Variants in CREM observed in about 807,000 individuals in gnomAD.
The protein encoded by CREM is cAMP responsive element modulator.
In CREM, 13 loss-of-function variants were observed where a neutral mutation model predicts 37.3. The observed-to-expected ratio is 0.35, with a 90% CI of 0.23 to 0.55. The LOEUF is 0.55. Ranked by LOEUF, CREM falls within the 20% of genes least tolerant of loss-of-function variation. The probability of loss-of-function intolerance (pLI) is 0.88; values close to 1 mark genes in which losing one functional copy is unlikely to be tolerated. For synonymous variants in CREM, 124 were observed against 120.2 expected, an observed-to-expected ratio of 1.03 and a Z score of -0.21; for missense variants, 296 against 362.3, an observed-to-expected ratio of 0.82 and a Z score of 1.49.
chr10:35,132,161 A>G (rs944098521), intron 1 of CREM, among the ~76,000 whole-genome samples: 48 of 148,788 alleles, frequency 3.2e-4, no homozygotes, highest in Admixed American at 3.1e-3. Flanking sequence ...AGATCGTGCT[A>G]CTGCACTCCA....
chr10:35,174,110 T>A (rs2093945085), intron 3 of CREM, among the ~76,000 whole-genome samples: 1 of 152,172 alleles, frequency 6.6e-6, no homozygotes, highest in Non-Finnish European at 1.5e-5. Context: ...TGGGGGTAGG[T>A]GAGCTGAATT....
chr10:35,132,290 A>G (rs1315353519), intron 1 of CREM, among the ~76,000 whole-genome samples: 1 of 152,012 alleles, frequency 6.6e-6, no homozygotes, highest in African/African-American at 2.4e-5. Flanking sequence ...GAGACAGGCC[A>G]TGATTATTTG....
At chr10:35,181,988 C>G (rs1013813690) in intron 5 of CREM, among the ~76,000 whole-genome samples, 5 of 152,184 alleles carry the variant, frequency 3.3e-5, no homozygotes, top group African/African-American at 1.2e-4. Flanking sequence ...AGAAATTATT[C>G]TGATGAGAAG....
At chr10:35,141,960 G>A (rs1478512394) in intron 2 of CREM, among the ~76,000 whole-genome samples, 1 of 152,210 alleles carries the variant, frequency 6.6e-6, no homozygotes, top group African/African-American at 2.4e-5. Context: ...GAATGCTGCT[G>A]AGGGATCAAA....
At chr10:35,137,284 TGTTTGGA>T in intron 1 of CREM, among the ~76,000 whole-genome samples, 1 of 152,342 alleles carries the variant, frequency 6.6e-6, no homozygotes, top group East Asian at 1.9e-4. Context: ...AAACTTATTT[TGTTTGGA>T]GTTTAATTTT....
intron 5 of CREM, among the ~76,000 whole-genome samples, chr10:35,183,338 ACTT>A (rs1318805257): frequency 1.3e-5 from 2 of 152,208 alleles, no homozygotes; most frequent in South Asian, 2.1e-4. Context: ...CACCAATTCA[ACTT>A]CTTCATAAAG....
intron 6 of CREM, among the ~76,000 whole-genome samples, chr10:35,190,528 C>T (rs1219093240): frequency 6.6e-6 from 1 of 152,044 alleles, no homozygotes; most frequent in Non-Finnish European, 1.5e-5. Flanking sequence ...AAAACAAGTT[C>T]CCCTTGTCTT....
chr10:35,136,208 C>T (rs200960502), intron 1 of CREM, among the ~76,000 whole-genome samples: 2 of 151,796 alleles, frequency 1.3e-5, no homozygotes, highest in Non-Finnish European at 2.9e-5. Flanking sequence ...GCAAATAAAA[C>T]ATTTCCAAGT....
Position 35,211,904 on chromosome 10 carries a change from ATCT to A in CREM, c.*514_*516del. 1.1e-5 allele frequency: 13 copies of A among 1,161,262 alleles called. No homozygotes were observed. The highest frequency in any genetic ancestry group is 4.1e-5 in the South Asian group (2 of 48,348). 71.9% of individuals were successfully genotyped at this position (1,161,262 alleles called of 1,614,324 possible). A position where few individuals can be genotyped will look rare whatever the true frequency, so the allele number is the denominator to read the frequency against. On this transcript the variant is annotated 3_prime_UTR_variant, in exon 8 of 8. Transcript: ENST00000685392. ...GTGGCTTCTTTTCTTTGTATCATTC[ATCT>A]TCTTCTTTAATCACTTAACATTCCT... is the stretch of plus-strand genomic sequence containing the variant.
chr10:35,186,689 TA>T (rs1428048864), intron 5 of CREM, among the ~76,000 whole-genome samples: 3 of 139,922 alleles, frequency 2.1e-5, no homozygotes, highest in Non-Finnish European at 3.0e-5. Context: ...AAATATATAT[TA>T]AAAATTTTGG....
At chr10:35,205,812 G>A (rs899168937) in intron 6 of CREM, among the ~76,000 whole-genome samples, 2 of 152,256 alleles carry the variant, frequency 1.3e-5, no homozygotes, top group Non-Finnish European at 2.9e-5. Context: ...TACAAAATTA[G>A]CCAGGTGTCG....
Position 35,212,900 on chromosome 10 carries a change from G to A in CREM, c.*1502G>A, listed in dbSNP as rs929384152. Reference sequence around the variant, plus strand: ...CAATCGAGACTGCAATGTGATCTATGTTTCATCTTGTTTTTATAATAAAAA... The same window carrying A: ...CAATCGAGACTGCAATGTGATCTATATTTCATCTTGTTTTTATAATAAAAA... On this transcript the variant is annotated 3_prime_UTR_variant, in exon 8 of 8. Transcript: ENST00000685392. The A allele has an allele frequency of 1.3e-5, 2 of 152,778 alleles. No individual in the cohort carries two copies. The highest frequency in any genetic ancestry group is 4.8e-5 in the African/African-American group (2 of 41,462). 9.5% of individuals were successfully genotyped at this position (152,778 alleles called of 1,614,324 possible).
intron 7 of CREM, among the ~76,000 whole-genome samples, chr10:35,209,624 A>T (rs1300407771): frequency 3.3e-5 from 5 of 152,222 alleles, no homozygotes; most frequent in African/African-American, 7.2e-5. Flanking sequence ...CACCGCTATT[A>T]GGTCTTTAAA....
rs183279812 is a variant in CREM at position 35,155,214 on chromosome 10, G to A, written c.168+6723G>A. ...TAATGATTATGAGGTTTGGATACTC[G>A]TAGAAAATGTTCAAGTTCCCTTTCT... On this transcript the variant is annotated intron_variant, in intron 3 of 7. Transcript: ENST00000685392. Among the ~76,000 whole-genome samples the A allele has an allele frequency of 3.4e-3, 518 of 152,232 alleles. 5 individuals are homozygous for A. Among genetic ancestry groups the A allele is most frequent in the African/African-American group, 0.012 (499 of 41,550 alleles).
intron 5 of CREM, among the ~76,000 whole-genome samples, chr10:35,186,258 T>G (rs2094550444): frequency 6.6e-6 from 1 of 152,176 alleles, no homozygotes; most frequent in Non-Finnish European, 1.5e-5. Context: ...TACAGACCTT[T>G]CAGATATTTT....
At chr10:35,132,402 C>T (rs1185647759) in intron 1 of CREM, among the ~76,000 whole-genome samples, 1 of 152,068 alleles carries the variant, frequency 6.6e-6, no homozygotes, top group African/African-American at 2.4e-5. Flanking sequence ...GAAAAAGAGA[C>T]ACTTACTGAA....
At chr10:35,179,095 A>G (rs1457598689) in intron 4 of CREM, 39 bp from the exon 5 acceptor site, 1 of 1,566,364 alleles carries the variant, frequency 6.4e-7, no homozygotes, top group Non-Finnish European at 8.7e-7. Context: ...AGACTTATTC[A>G]TGTATCTTAG....
intron 1 of CREM, among the ~76,000 whole-genome samples, chr10:35,128,095 C>T (rs914676805): frequency 6.6e-6 from 1 of 152,346 alleles, no homozygotes; most frequent in African/African-American, 2.4e-5. Flanking sequence ...ACCTCGGCCT[C>T]CCAAAGTGCT....
At chr10:35,183,704 CAA>C (rs1003247059) in intron 5 of CREM, among the ~76,000 whole-genome samples, 1 of 152,162 alleles carries the variant, frequency 6.6e-6, no homozygotes, top group African/African-American at 2.4e-5. Flanking sequence ...CAATTTGGAA[CAA>C]GAGTGGTTTT....
Sources: allele counts gnomAD v4.1 joint callset (sites outside exome capture counted in the v4.1 genomes callset), GRCh38; gene constraint gnomAD v4.1.1; transcripts MANE v1.5; gene names NCBI Gene and HGNC (gene_info 2026-07-23, HGNC 2026-07-21).